IL4R: variants seen among roughly 807,000 people sequenced by gnomAD.
IL4R encodes the protein interleukin 4 receptor, also known as interleukin-4 receptor subunit alpha.
IL4R carries 17 observed loss-of-function variants against 41.5 expected under a neutral mutation model. The observed-to-expected ratio is 0.41, with a 90% CI of 0.28 to 0.61. The LOEUF is 0.61. IL4R is among the 20% of genes least tolerant of loss of function. IL4R has a pLI of 0.31. For missense variants in IL4R, 974 were observed against 1,043.1 expected, an observed-to-expected ratio of 0.93 and a Z score of 0.91; for synonymous variants, 402 against 422.9, an observed-to-expected ratio of 0.95 and a Z score of 0.61.
intron 1 of IL4R, among the ~76,000 whole-genome samples, chr16:27,324,041 C>T (rs565943169): frequency 7.2e-5 from 11 of 152,222 alleles, no homozygotes; most frequent in African/African-American, 2.4e-4. Flanking sequence ...TGGGGAGGGG[C>T]GAAACCAAGG....
At position 27,363,498 on chromosome 16, in the gene IL4R, C is replaced by T; in HGVS notation, c.2146C>T (p.Leu716Phe). ...SLGSGIVYSALTCHLCGHLKQ... is the reference protein window; with the variant it reads ...SLGSGIVYSAFTCHLCGHLKQ... ...GGGCAGTGGCATTGTCTACTCAGCC[C>T]TTACCTGCCACCTGTGCGGCCACCT... Residue 716 changes from leucine (L) to phenylalanine (F), a missense_variant, in exon 11 of 11, where the codon CTT (leucine) becomes TTT (phenylalanine). Physicochemically the swap from Leu to Phe is conservative, Grantham distance 22. Transcript: ENST00000395762. 6.2e-7 allele frequency: 1 copy of T among 1,614,164 alleles called. No homozygotes were observed.
At position 27,330,200 on chromosome 16, in the gene IL4R, TC is replaced by T. The variant is rs1180099717; in HGVS notation, c.-19+3del. On this transcript the variant is annotated splice_donor_region_variant and intron_variant, in intron 2 of 10. Coordinates refer to ENST00000395762, the MANE Select transcript of IL4R (RefSeq NM_000418.4). Reference sequence around the variant, plus strand: ...GATCAGGAGTTCGAGACCAGCCTGGTCAGTATGATGAAACCCCATCTCTACT... The same window carrying T: ...GATCAGGAGTTCGAGACCAGCCTGGTAGTATGATGAAACCCCATCTCTACT... 3 of 151,370 alleles carry T rather than the reference TC, an allele frequency of 2.0e-5. No individual in the cohort carries two copies. Among genetic ancestry groups the T allele is most frequent in the African/African-American group, 7.3e-5 (3 of 41,216 alleles). The allele number at this position is 151,370 out of a possible 1,614,324, so 9.4% of individuals were successfully genotyped here.
chr16:27,341,538 G>T (rs1356536715), intron 3 of IL4R, among the ~76,000 whole-genome samples: 1 of 152,096 alleles, frequency 6.6e-6, no homozygotes, highest in African/African-American at 2.4e-5. Context: ...TTCCAGTCCT[G>T]CCATGGCCAC....
At chr16:27,329,821 A>G (rs1203307698) in intron 1 of IL4R, among the ~76,000 whole-genome samples, 1 of 152,130 alleles carries the variant, frequency 6.6e-6, no homozygotes, top group African/African-American at 2.4e-5. Context: ...TGGGACAGAC[A>G]TAAACAGGGT....
rs555096635 is a variant in IL4R at position 27,363,951 on chromosome 16, G to T, written c.*121G>T. On this transcript the variant is annotated 3_prime_UTR_variant, in exon 11 of 11. Transcript: ENST00000395762. ...TTTCCAAAAGACTTGAAGAACCATG[G>T]TATGAAGGTGATTGGCCCCACTGAC... 3.3e-6 allele frequency: 4 copies of T among 1,207,682 alleles called. No homozygotes were observed. The highest frequency in any genetic ancestry group is 4.6e-6 in the Non-Finnish European group (4 of 866,088). The allele number at this position is 1,207,682 out of a possible 1,614,324, so 74.8% of individuals were successfully genotyped here. A position where few individuals can be genotyped will look rare whatever the true frequency, so the allele number is the denominator to read the frequency against.
rs1165468080 is a variant in IL4R, at chr16:27,333,602, G to A, written c.-19+3404G>A. 4.0e-5 allele frequency among the ~76,000 whole-genome samples: 6 copies of A among 151,180 alleles called. No individual in the cohort carries two copies. In the South Asian group the frequency reaches 1.3e-3, roughly 32 times the overall value. On this transcript the variant is annotated intron_variant, in intron 2 of 10. Transcript: ENST00000395762. ...AGGATTCTTGTGTGGATTCGGTGAG[G>A]TAATACTTCTAAAGCACCTAGCAAA...
intron 8 of IL4R, among the ~76,000 whole-genome samples, chr16:27,358,027 G>A (rs917846643): frequency 6.6e-6 from 1 of 152,026 alleles, no homozygotes; most frequent in South Asian, 2.1e-4. Context: ...CTGAGTAGCT[G>A]GGATTGCAGG....
At chr16:27,322,378 T>A (rs1019602112) in intron 1 of IL4R, among the ~76,000 whole-genome samples, 1 of 152,174 alleles carries the variant, frequency 6.6e-6, no homozygotes, top group Non-Finnish European at 1.5e-5. Context: ...GATTTCGCTA[T>A]GTTTCCCGGG....
chr16:27,351,783 G>A (rs2141177027), intron 6 of IL4R, among the ~76,000 whole-genome samples: 1 of 152,206 alleles, frequency 6.6e-6, no homozygotes, highest in East Asian at 1.9e-4. Flanking sequence ...CCAAAGTGCT[G>A]GGATTACAGG....
chr16:27,345,239 C>T lies in IL4R; in HGVS notation c.361+219C>T. On this transcript the variant is annotated intron_variant, in intron 5 of 10. Coordinates refer to ENST00000395762, the MANE Select transcript of IL4R (RefSeq NM_000418.4). The surrounding 1 kb of genome is among the most constrained non-coding windows in gnomAD (Gnocchi z 4.5). ...CAGTAGACCACCAAGCCCCCTTCAG[C>T]CCAGCTGTTTCCACCCCTGAACTTA... 2 of 690,782 alleles carry T rather than the reference C, an allele frequency of 2.9e-6. No individual in the cohort carries two copies. Among genetic ancestry groups the T allele is most frequent in the South Asian group, 3.0e-5 (2 of 66,670 alleles). The allele number at this position is 690,782 out of a possible 1,614,324, so 42.8% of individuals were successfully genotyped here.
chr16:27,336,281 T>G (rs2085256357), intron 2 of IL4R, among the ~76,000 whole-genome samples: 1 of 151,854 alleles, frequency 6.6e-6, no homozygotes, highest in Admixed American at 6.6e-5. Flanking sequence ...ATACTGAGAG[T>G]GAAAAACAGA....
chr16:27,317,454 C>T (rs1217395271), intron 1 of IL4R, among the ~76,000 whole-genome samples: 1 of 152,170 alleles, frequency 6.6e-6, no homozygotes, highest in Non-Finnish European at 1.5e-5. Flanking sequence ...ACATGCCCAG[C>T]CACGTTTAGC....
intron 6 of IL4R, among the ~76,000 whole-genome samples, chr16:27,348,923 G>C (rs940540792): frequency 4.6e-5 from 7 of 152,214 alleles, no homozygotes; most frequent in Admixed American, 3.9e-4. Flanking sequence ...GCCAGTCATG[G>C]GATTGGATTG....
At chr16:27,342,702 C>T (rs1270366099) in intron 4 of IL4R, among the ~76,000 whole-genome samples, 3 of 152,028 alleles carry the variant, frequency 2.0e-5, no homozygotes, top group Non-Finnish European at 4.4e-5. Flanking sequence ...CTGTGTTGCC[C>T]AGGCTGCTCT....
In IL4R at chr16:27,363,912, GC is replaced by G; in HGVS notation, c.*84del. On this transcript the variant is annotated 3_prime_UTR_variant, in exon 11 of 11. Transcript: ENST00000395762. ...GGGAAATGCCACCTCCTGGAAGGCA[GC>G]CAGGCTGGCAGATTTCCAAAAGACT... 6.9e-7 allele frequency: 1 copy of G among 1,459,426 alleles called. No individual in the cohort carries two copies. The highest frequency in any genetic ancestry group is 1.4e-5 in the African/African-American group (1 of 70,658). 90.4% of individuals were successfully genotyped at this position (1,459,426 alleles called of 1,614,324 possible). A position where few individuals can be genotyped will look rare whatever the true frequency, so the allele number is the denominator to read the frequency against.
Position 27,362,952 on chromosome 16 carries a change from C to T in IL4R, c.1600C>T (p.Pro534Ser), listed in dbSNP as rs747900829. 2 of 1,614,154 alleles carry T rather than the reference C, an allele frequency of 1.2e-6. No individual in the cohort carries two copies. The highest frequency in any genetic ancestry group is 2.7e-5 in the African/African-American group (2 of 75,064). Residue 534 changes from proline to serine, a missense_variant, in exon 11 of 11, where the codon CCC (proline) becomes TCC (serine). Physicochemically the swap from Pro to Ser is moderately conservative, Grantham distance 74 (BLOSUM62 -1). Transcript: ENST00000395762. Reference sequence around the variant, plus strand: ...AGTAGAACCCGAGATGCCCTGTGTCCCCCAGCTCTCTGAGCCAACCACTGT... The same window carrying T: ...AGTAGAACCCGAGATGCCCTGTGTCTCCCAGCTCTCTGAGCCAACCACTGT... ...EEVEPEMPCV[P>S]QLSEPTTVPQ...
chr16:27,342,093 C>A, intron 3 of IL4R, 28 bp from the exon 4 acceptor site: 1 of 1,611,374 alleles, frequency 6.2e-7, no homozygotes, highest in Non-Finnish European at 8.5e-7. Flanking sequence ...GTTCCTGGGC[C>A]GCTCAGGCTG....
intron 7 of IL4R, chr16:27,355,292 G>T (rs1378239069): frequency 3.4e-6 from 1 of 291,676 alleles, no homozygotes; most frequent in African/African-American, 2.2e-5. Context: ...AGAATGTGAC[G>T]ATGAAAGTGA....
chr16:27,361,810 G>A (rs3024672), intron 10 of IL4R, among the ~76,000 whole-genome samples: 23,292 of 151,602 alleles, frequency 0.15, 4,106 homozygotes, highest in African/African-American at 0.43. Flanking sequence ...TGTTTGAGAC[G>A]GCTTGGGCTC....
Sources: allele counts gnomAD v4.1 joint callset (sites outside exome capture counted in the v4.1 genomes callset), GRCh38; gene constraint gnomAD v4.1.1; non-coding constraint Gnocchi (gnomAD v3.1); transcripts MANE v1.5; gene names NCBI Gene and HGNC (gene_info 2026-07-23, HGNC 2026-07-21).